The following AUH variants were observed in gnomAD, a reference collection of about 807,000 sequenced individuals.
AUH encodes the protein AU RNA binding methylglutaconyl-CoA hydratase.
AUH carries 29 observed loss-of-function variants against 42.3 expected under a neutral mutation model. That is an observed-to-expected ratio of 0.69 (90% CI 0.51 to 0.93). AUH has a LOEUF of 0.93. Ranked by LOEUF, AUH falls within the 40% of genes least tolerant of loss-of-function variation. AUH has a pLI of 0.00. For synonymous variants in AUH, 174 were observed against 166.4 expected (o/e 1.05, Z -0.35); for missense variants, 452 against 438.1 (o/e 1.03, Z -0.28).
At chr9:91,349,652 GGTGT>G (rs1190705580) in intron 3 of AUH, among the ~76,000 whole-genome samples, 1 of 148,932 alleles carries the variant, frequency 6.7e-6, no homozygotes, top group Non-Finnish European at 1.5e-5. Flanking sequence ...TGTGTGTGTG[GGTGT>G]GTGTATGTAA....
intron 1 of AUH, among the ~76,000 whole-genome samples, chr9:91,360,040 C>A (rs1832731871): frequency 6.6e-6 from 1 of 151,614 alleles, no homozygotes. Context: ...ACCATGATAC[C>A]CAAAAAAATT....
intron 6 of AUH, among the ~76,000 whole-genome samples, chr9:91,267,643 A>G (rs960997685): frequency 2.0e-5 from 3 of 152,130 alleles, no homozygotes; most frequent in Non-Finnish European, 4.4e-5. Context: ...TTGCAACTGA[A>G]GAGGTAAAAG....
chr9:91,265,926 A>G (rs867250962), intron 6 of AUH, among the ~76,000 whole-genome samples: 3 of 151,912 alleles, frequency 2.0e-5, no homozygotes, highest in Non-Finnish European at 4.4e-5. Flanking sequence ...TTTGGTATTC[A>G]TGTTTGTAAT....
At chr9:91,298,111 A>G (rs753883020) in intron 4 of AUH, 35 bp from the exon 5 acceptor site, 52 of 1,483,694 alleles carry the variant, frequency 3.5e-5, no homozygotes, top group Middle Eastern at 3.4e-4. Flanking sequence ...CTTCCTTAAT[A>G]AGATTATTAT....
At chr9:91,356,215 C>T in intron 1 of AUH, 60 bp from the exon 2 acceptor site, 1 of 1,327,478 alleles carries the variant, frequency 7.5e-7, no homozygotes, top group Non-Finnish European at 1.1e-6. Context: ...AGAGAACAGA[C>T]TCTACATCAC....
chr9:91,285,122 A>G (rs1826294837), intron 6 of AUH, among the ~76,000 whole-genome samples: 2 of 152,220 alleles, frequency 1.3e-5, no homozygotes, highest in African/African-American at 4.8e-5. Flanking sequence ...ATGGAATACT[A>G]TGCAGCCATA....
chr9:91,282,547 C>G (rs572612677), intron 6 of AUH, among the ~76,000 whole-genome samples: 51 of 152,228 alleles, frequency 3.4e-4, no homozygotes, highest in African/African-American at 1.2e-3. Flanking sequence ...AGTATGTGAG[C>G]AGGAGGAGCA....
intron 4 of AUH, among the ~76,000 whole-genome samples, chr9:91,303,646 G>T (rs1457914636): frequency 6.6e-6 from 1 of 152,106 alleles, no homozygotes; most frequent in Non-Finnish European, 1.5e-5. Context: ...TTTTAAATTT[G>T]GTTTTGCTTG....
At chr9:91,343,416 CTAA>C (rs1218696214) in intron 3 of AUH, among the ~76,000 whole-genome samples, 2 of 152,296 alleles carry the variant, frequency 1.3e-5, no homozygotes, top group African/African-American at 2.4e-5. Flanking sequence ...ACAAAAGTGA[CTAA>C]TGTTTTGCTA....
chr9:91,255,920 A>G (rs544210283), intron 6 of AUH, among the ~76,000 whole-genome samples: 13 of 152,272 alleles, frequency 8.5e-5, no homozygotes, highest in African/African-American at 3.1e-4. Context: ...TTGAGGCTCT[A>G]TAAGTTACGC....
At chr9:91,237,811 C>G (rs1191783890) in intron 6 of AUH, among the ~76,000 whole-genome samples, 1 of 152,180 alleles carries the variant, frequency 6.6e-6, no homozygotes, top group Non-Finnish European at 1.5e-5. Context: ...CCTCCTCAGA[C>G]CTTGATTCCT....
rs1040216448 is a variant in AUH at position 91,360,933 on chromosome 9, T to A, written c.262+695A>T. Among the ~76,000 whole-genome samples the A allele has an allele frequency of 2.6e-5, 4 of 152,226 alleles. No homozygotes were observed. The South Asian group carries it at 8.3e-4, about 32-fold the overall frequency. On this transcript the variant is annotated intron_variant, in intron 1 of 9. Transcript: ENST00000375731. The stretch of plus-strand genomic sequence containing the variant: ...TCCCTGCACTGCCAGTGAAAGGAAC[T>A]GAGCTGTAACAGTATTCCCTAGGAT...
At chr9:91,274,782 GC>G (rs1305551830) in intron 6 of AUH, among the ~76,000 whole-genome samples, 3 of 152,008 alleles carry the variant, frequency 2.0e-5, no homozygotes, top group Non-Finnish European at 2.9e-5. Flanking sequence ...CATAGAAAAG[GC>G]CCCAGATCCA....
At position 91,284,704 on chromosome 9, in the gene AUH, T is replaced by C. The variant is rs563191069; in HGVS notation, c.655+11317A>G. Among the ~76,000 whole-genome samples the C allele has an allele frequency of 1.3e-3, 196 of 152,090 alleles. 2 individuals are homozygous for C. The Middle Eastern group carries it at 0.014, about 11-fold the overall frequency. On this transcript the variant is annotated intron_variant, in intron 6 of 9. Transcript: ENST00000375731. ...GACATTCATGCAGCCAACAGACACATGAAAAAATGCTGTATCACTGGCTAT... is the reference window on the plus strand; with the variant it reads ...GACATTCATGCAGCCAACAGACACACGAAAAAATGCTGTATCACTGGCTAT...
At chr9:91,315,910 C>T (rs1443326219) in intron 4 of AUH, among the ~76,000 whole-genome samples, 1 of 152,130 alleles carries the variant, frequency 6.6e-6, no homozygotes, top group African/African-American at 2.4e-5. Context: ...TCCCTAAACA[C>T]AAACTGTTTA....
chr9:91,283,243 C>T (rs1056731254), intron 6 of AUH, among the ~76,000 whole-genome samples: 22 of 152,158 alleles, frequency 1.4e-4, no homozygotes, highest in African/African-American at 5.1e-4. Context: ...GCAGAAAAGG[C>T]CTTTGACTAA....
At position 91,361,778 on chromosome 9, in the gene AUH, C is replaced by A. The variant is rs929429378; in HGVS notation, c.112G>T (p.Gly38Cys). The change falls in exon 1 of 10, where the codon GGC becomes TGC. Residue 38 changes from glycine to cysteine, a missense_variant. Transcript: ENST00000375731. ...AWLCPGLRLP[G>C]SLAGRRAGPA... The stretch of plus-strand genomic sequence containing the variant: ...CCCGCTCGCCGGCCTGCCAACGAGC[C>A]GGGCAGCCTCAACCCCGGGCAGAGC... 3.2e-6 allele frequency: 5 copies of A among 1,543,724 alleles called. No homozygotes were observed. The highest frequency in any genetic ancestry group is 4.4e-6 in the Non-Finnish European group (5 of 1,145,818).
chr9:91,291,311 G>C (rs145452168), intron 6 of AUH, among the ~76,000 whole-genome samples: 3,634 of 152,208 alleles, frequency 0.024, 52 homozygotes, highest in Non-Finnish European at 0.037. Flanking sequence ...TGTCTGTTGG[G>C]GGGGTGGGGG....
At chr9:91,335,505 C>A (rs1240636008) in intron 3 of AUH, among the ~76,000 whole-genome samples, 4 of 152,174 alleles carry the variant, frequency 2.6e-5, no homozygotes, top group Non-Finnish European at 5.9e-5. Context: ...GCTCTAGGCT[C>A]TATTATCCTT....
Sources: gnomAD v4.1 joint callset for allele counts (sites outside exome capture counted in the v4.1 genomes callset) on GRCh38, gnomAD v4.1.1 for gene constraint, MANE v1.5 for transcripts, NCBI Gene and HGNC (gene_info 2026-07-23, HGNC 2026-07-21) for gene names.